DHX40: variants seen among roughly 807,000 people sequenced by gnomAD.
DHX40 encodes the protein DEAH-box helicase 40, also known as probable ATP-dependent RNA helicase DHX40.
A neutral mutation model predicts 89.6 loss-of-function variants in DHX40; 28 were observed. That is an observed-to-expected ratio of 0.31 (90% CI 0.23 to 0.43). The LOEUF is 0.43. DHX40 is among the 20% of genes least tolerant of loss of function. The pLI, the probability that DHX40 is intolerant of heterozygous loss-of-function variation, is 1.00. For missense variants in DHX40, 457 were observed against 844.0 expected (o/e 0.54, Z 5.68); for synonymous variants, 226 against 283.6 (o/e 0.80, Z 2.04).
chr17:59,596,936 G>A (rs2030125132), intron 12 of DHX40, among the ~76,000 whole-genome samples: 1 of 150,442 alleles, frequency 6.6e-6, no homozygotes, highest in African/African-American at 2.4e-5. Context: ...ATAGGTATAG[G>A]GAATAGGAAT....
chr17:59,567,961 G>T (rs922746677), intron 2 of DHX40, among the ~76,000 whole-genome samples: 2 of 148,558 alleles, frequency 1.3e-5, no homozygotes, highest in Non-Finnish European at 3.0e-5. Flanking sequence ...TAGGCCGGGC[G>T]CAGTGGCTCA....
chr17:59,586,116 G>C (rs747577442), intron 10 of DHX40, 37 bp from the exon 11 acceptor site: 1 of 1,425,392 alleles, frequency 7.0e-7, no homozygotes, highest in Middle Eastern at 1.8e-4. Context: ...CATGTTCAAG[G>C]AATGCCTCTC....
chr17:59,606,770 A>G (rs1240809656), intron 17 of DHX40, among the ~76,000 whole-genome samples: 1 of 151,816 alleles, frequency 6.6e-6, no homozygotes, highest in Non-Finnish European at 1.5e-5. Context: ...AAAGAAAAGA[A>G]ATCTTAGCCA....
chr17:59,569,213 A>G (rs59614983), intron 2 of DHX40, among the ~76,000 whole-genome samples: 29,816 of 151,996 alleles, frequency 0.2, 3,426 homozygotes, highest in African/African-American at 0.31. Context: ...CTGTAATCCC[A>G]GTTACTCAGG....
chr17:59,585,473 A>C (rs900447054), intron 10 of DHX40, among the ~76,000 whole-genome samples: 20 of 151,310 alleles, frequency 1.3e-4, no homozygotes, highest in Non-Finnish European at 2.5e-4. Flanking sequence ...CTGTAATCCT[A>C]GCACTTTGGG....
intron 5 of DHX40, 85 bp from the exon 6 acceptor site, chr17:59,574,103 T>A: frequency 3.3e-6 from 2 of 612,192 alleles, no homozygotes; most frequent in Non-Finnish European, 2.6e-6. Context: ...GAACCAAATT[T>A]AATTTTTCTG....
At chr17:59,570,724 G>A (rs953765591) in intron 3 of DHX40, 61 bp downstream of exon 3, 43 of 1,517,768 alleles carry the variant, frequency 2.8e-5, no homozygotes, top group Admixed American at 1.9e-4. Flanking sequence ...TTGCTCTGTC[G>A]CCCAGCCTGG....
At chr17:59,606,629 C>G (rs1035855364) in intron 17 of DHX40, among the ~76,000 whole-genome samples, 2 of 151,876 alleles carry the variant, frequency 1.3e-5, no homozygotes, top group Non-Finnish European at 2.9e-5. Flanking sequence ...GCCTGTAGTC[C>G]CAGCTACTCG....
At chr17:59,605,815 A>G (rs1368249085) in intron 17 of DHX40, 141 bp downstream of exon 17, 1 of 842,048 alleles carries the variant, frequency 1.2e-6, no homozygotes, top group East Asian at 2.7e-5. Flanking sequence ...AAAAATAAAA[A>G]TTAGCCAGGC....
Position 59,608,147 on chromosome 17 carries a change from C to T in DHX40, c.*975C>T, listed in dbSNP as rs572214242. ...AGTATCACACTCAGGCCACACTCAG[C>T]ACTTGCCCACTCTTGTTTACTGCCT... On this transcript the variant is annotated 3_prime_UTR_variant, in exon 18 of 18. Coordinates refer to ENST00000251241, the MANE Select transcript of DHX40 (RefSeq NM_024612.5). 1 of 154,824 alleles carries T rather than the reference C, an allele frequency of 6.5e-6. No individual in the cohort carries two copies. Among genetic ancestry groups the T allele is most frequent in the East Asian group, 1.9e-4 (1 of 5,178 alleles). 9.6% of individuals were successfully genotyped at this position (154,824 alleles called of 1,614,324 possible).
chr17:59,572,754 C>T (rs1420509720), intron 3 of DHX40, among the ~76,000 whole-genome samples: 2 of 152,122 alleles, frequency 1.3e-5, no homozygotes, highest in African/African-American at 4.8e-5. Context: ...TCATTTCCCC[C>T]GAATCCTCTA....
At chr17:59,586,100 T>C in intron 10 of DHX40, 53 bp from the exon 11 acceptor site, 1 of 1,321,858 alleles carries the variant, frequency 7.6e-7, no homozygotes, top group Non-Finnish European at 1.0e-6. Context: ...CTATATAAAA[T>C]CCTACCATGT....
At chr17:59,601,207 G>A (rs182440813) in intron 14 of DHX40, among the ~76,000 whole-genome samples, 2 of 151,984 alleles carry the variant, frequency 1.3e-5, no homozygotes, top group African/African-American at 4.8e-5. Flanking sequence ...TTACTCAGCA[G>A]GGTGAGGTAG....
In DHX40 at chr17:59,569,711, C is replaced by CTA. The variant is rs10607665; in HGVS notation, c.281-794_281-793dup. 4.8e-4 allele frequency among the ~76,000 whole-genome samples: 68 copies of CTA among 140,654 alleles called. 1 individual carries two copies. The highest frequency in any genetic ancestry group is 3.7e-3 in the Middle Eastern group (1 of 272). 92.3% of individuals were successfully genotyped at this position (140,654 alleles called of 152,430 possible). On this transcript the variant is annotated intron_variant, in intron 2 of 17. Coordinates refer to ENST00000251241, the MANE Select transcript of DHX40 (RefSeq NM_024612.5). ...AAAAAAGAAAAAAATATATATATAT[C>CTA]TATATATATATATAGATATATATAT...
Position 59,571,328 on chromosome 17 carries a change from A to G in DHX40, c.426+665A>G, listed in dbSNP as rs187183215. On this transcript the variant is annotated intron_variant, in intron 3 of 17. Coordinates refer to ENST00000251241, the MANE Select transcript of DHX40 (RefSeq NM_024612.5). ...CAAAATTAGCTGGGCACGGTGGTGC[A>G]TGCCTGTAATCCCAGCTACTCAGGA... Among the ~76,000 whole-genome samples the G allele has an allele frequency of 4.4e-3, 661 of 151,930 alleles. 9 individuals carry two copies. Among genetic ancestry groups the G allele is most frequent in the African/African-American group, 0.015 (632 of 41,484 alleles).
intron 11 of DHX40, 104 bp from the exon 12 acceptor site, chr17:59,587,792 G>A: frequency 1.3e-6 from 2 of 1,494,426 alleles, no homozygotes; most frequent in Non-Finnish European, 1.8e-6. Context: ...TTCTGGAGGT[G>A]ATTGGAGGTA....
At chr17:59,587,816 C>T in intron 11 of DHX40, 80 bp from the exon 12 acceptor site, 2 of 1,538,460 alleles carry the variant, frequency 1.3e-6, no homozygotes, top group Non-Finnish European at 1.8e-6. Context: ...TAAATTATAT[C>T]TGATTTATTC....
At chr17:59,587,351 G>T (rs1349428177) in intron 11 of DHX40, among the ~76,000 whole-genome samples, 2 of 150,248 alleles carry the variant, frequency 1.3e-5, no homozygotes, top group South Asian at 2.1e-4. Context: ...AGCCTCCCAG[G>T]TAGCTGGGAT....
chr17:59,603,359 G>T (rs1441215494), intron 15 of DHX40: 3 of 152,140 alleles, frequency 2.0e-5, no homozygotes, highest in Non-Finnish European at 4.4e-5. Context: ...ACAATGAATA[G>T]ACATAGTGCC....
Sources: gnomAD v4.1 joint callset for allele counts (sites outside exome capture counted in the v4.1 genomes callset) on GRCh38, gnomAD v4.1.1 for gene constraint, MANE v1.5 for transcripts, NCBI Gene and HGNC (gene_info 2026-07-23, HGNC 2026-07-21) for gene names.